The following SLA variants were observed in gnomAD, a reference collection of about 807,000 sequenced individuals.
The protein encoded by SLA is src-like-adapter.
A neutral mutation model predicts 30.3 loss-of-function variants in SLA; 16 were observed. The observed-to-expected ratio is 0.53, with a 90% CI of 0.36 to 0.80. The LOEUF (loss-of-function observed/expected upper bound fraction) is 0.80, where lower values mean the gene tolerates loss of function less well. Ranked by LOEUF, SLA falls within the 30% of genes least tolerant of loss-of-function variation. The probability of loss-of-function intolerance (pLI) is 0.01; values close to 1 mark genes in which losing one functional copy is unlikely to be tolerated. For missense variants in SLA, 310 were observed against 345.2 expected (o/e 0.90, Z 0.81); for synonymous variants, 143 against 137.8 (o/e 1.04, Z -0.26).
chr8:133,065,193 T>C (rs568969982), intron 2 of SLA, among the ~76,000 whole-genome samples: 12 of 152,182 alleles, frequency 7.9e-5, no homozygotes, highest in Non-Finnish European at 1.5e-4. Flanking sequence ...CATCCCACAA[T>C]TGGTCAGCAA....
chr8:133,101,223 C>A (rs1360470927), intron 1 of SLA, among the ~76,000 whole-genome samples: 2 of 152,202 alleles, frequency 1.3e-5, no homozygotes, highest in South Asian at 2.1e-4. Flanking sequence ...CCACACAGAA[C>A]TGCAAGAGGG....
intron 3 of SLA, among the ~76,000 whole-genome samples, chr8:133,055,918 C>T (rs10107766): frequency 0.26 from 39,929 of 151,698 alleles, 5,384 homozygotes; most frequent in Non-Finnish European, 0.27. Context: ...GTGGTGGTAC[C>T]GAGGTTACCC....
At chr8:133,096,643 G>T (rs1220532324) in intron 1 of SLA, among the ~76,000 whole-genome samples, 2 of 152,206 alleles carry the variant, frequency 1.3e-5, no homozygotes, top group Non-Finnish European at 2.9e-5. Context: ...GCTCAGGGCT[G>T]CAAGTTAGAA....
chr8:133,049,924 A>G lies in SLA; in HGVS notation c.226T>C (p.Cys76Arg), dbSNP rs536012943. The change falls in exon 5 of 9, where the codon TGT becomes CGT. Residue 76 changes from cysteine (C) to arginine (R), a missense_variant. Transcript: ENST00000338087. The stretch of plus-strand genomic sequence containing the variant: ...CACCCATGGTAAACTCTGGCCACAC[A>G]TATTCCAGGGATGTAACTCTCTCGA... Reference protein sequence around the residue: ...TGRESYIPGICVARVYHGWLF... With the variant: ...TGRESYIPGIRVARVYHGWLF... 1 of 1,612,746 alleles carries G rather than the reference A, an allele frequency of 6.2e-7. No homozygotes were observed. The highest frequency in any genetic ancestry group is 8.5e-7 in the Non-Finnish European group (1 of 1,178,692).
At chr8:133,040,777 A>C (rs1307384272) in intron 7 of SLA, among the ~76,000 whole-genome samples, 4 of 152,202 alleles carry the variant, frequency 2.6e-5, no homozygotes. Flanking sequence ...ATAGCACAAA[A>C]AGTAGAAGAC....
chr8:133,052,165 G>A (rs750732359), intron 3 of SLA, among the ~76,000 whole-genome samples: 26 of 152,214 alleles, frequency 1.7e-4, no homozygotes, highest in Admixed American at 3.3e-4. Context: ...TGCAGCCTCC[G>A]AGTCATAAGC....
In SLA at chr8:133,055,408, G is replaced by A. The variant is rs188255084; in HGVS notation, c.62-4493C>T. 1.2e-3 allele frequency among the ~76,000 whole-genome samples: 173 copies of A among 144,664 alleles called. 2 individuals are homozygous for A. The highest frequency in any genetic ancestry group is 4.2e-3 in the African/African-American group (167 of 39,658). The allele number at this position is 144,664 out of a possible 152,430, so 94.9% of individuals were successfully genotyped here. On this transcript the variant is annotated intron_variant, in intron 3 of 8. Transcript: ENST00000338087. ...ACACACACACACACACACACACACA[G>A]GATTATACATGCAACTAACCAATCA...
chr8:133,041,628 G>A (rs903391461), intron 7 of SLA, among the ~76,000 whole-genome samples: 1 of 152,158 alleles, frequency 6.6e-6, no homozygotes, highest in Admixed American at 6.5e-5. Flanking sequence ...GGGACACTCC[G>A]TGAGTGTCCT....
intron 1 of SLA, among the ~76,000 whole-genome samples, chr8:133,097,058 G>T (rs1848530078): frequency 6.6e-6 from 1 of 152,222 alleles, no homozygotes; most frequent in Non-Finnish European, 1.5e-5. Context: ...AAGCCTTGTA[G>T]GTGGTCAAGC....
At chr8:133,056,744 C>T (rs973224135) in intron 3 of SLA, among the ~76,000 whole-genome samples, 1 of 152,258 alleles carries the variant, frequency 6.6e-6, no homozygotes, top group Non-Finnish European at 1.5e-5. Context: ...GAGCACCAAG[C>T]GGCTCTAATC....
intron 3 of SLA, among the ~76,000 whole-genome samples, chr8:133,051,793 A>G (rs1840462401): frequency 6.6e-6 from 1 of 152,230 alleles, no homozygotes; most frequent in Non-Finnish European, 1.5e-5. Context: ...GGAAATAACA[A>G]GATGTCTTCT....
Position 133,083,869 on chromosome 8 carries a change from G to A in SLA, c.-318-8739C>T, listed in dbSNP as rs2739170. Reference sequence around the variant, plus strand: ...AGTGAAGCCACCTCCTCCTCAGATGGTCCCTCTGCACCCAGTGGTTCCCAG... The same window carrying A: ...AGTGAAGCCACCTCCTCCTCAGATGATCCCTCTGCACCCAGTGGTTCCCAG... On this transcript the variant is annotated intron_variant, in intron 1 of 8. Transcript: ENST00000338087. Among the ~76,000 whole-genome samples the A allele has an allele frequency of 8.0e-3, 1,221 of 152,126 alleles. 17 individuals carry two copies. The highest frequency in any genetic ancestry group is 0.043 in the South Asian group (208 of 4,818).
At chr8:133,075,956 G>T (rs1463694874) in intron 1 of SLA, 2 of 152,128 alleles carry the variant, frequency 1.3e-5, no homozygotes, top group Non-Finnish European at 2.9e-5. Flanking sequence ...TAAAATGTAT[G>T]TTGTATATGT....
chr8:133,050,187 A>C (rs1386015593), intron 4 of SLA, 199 bp from the exon 5 acceptor site: 1 of 576,224 alleles, frequency 1.7e-6, no homozygotes, highest in Non-Finnish European at 3.1e-6. Context: ...ATAGCCCTCC[A>C]TTGCAAGCCA....
At chr8:133,064,359 A>G (rs1340269159) in intron 2 of SLA, among the ~76,000 whole-genome samples, 2 of 152,276 alleles carry the variant, frequency 1.3e-5, no homozygotes, top group East Asian at 3.8e-4. Flanking sequence ...CTACAGGATC[A>G]AGGGAAGACA....
chr8:133,071,018 T>C (rs74945888), intron 2 of SLA, among the ~76,000 whole-genome samples: 5,551 of 152,334 alleles, frequency 0.036, 156 homozygotes, highest in Non-Finnish European at 0.059. Flanking sequence ...CCCCTGAGAT[T>C]GTGGCCAAGT....
At chr8:133,041,337 A>C (rs529695114) in intron 7 of SLA, among the ~76,000 whole-genome samples, 9 of 152,220 alleles carry the variant, frequency 5.9e-5, no homozygotes, top group Non-Finnish European at 1.3e-4. Flanking sequence ...GTAGCAGAAG[A>C]AGCACACTCA....
intron 1 of SLA, chr8:133,094,986 G>A: frequency 1.2e-6 from 2 of 1,611,270 alleles, no homozygotes; most frequent in Non-Finnish European, 8.5e-7. Flanking sequence ...AGGACTCCAG[G>A]TGAGCAGGGG....
intron 1 of SLA, among the ~76,000 whole-genome samples, chr8:133,075,776 A>C (rs923251404): frequency 6.6e-6 from 1 of 152,140 alleles, no homozygotes; most frequent in East Asian, 1.9e-4. Context: ...ATACATCTAC[A>C]TCTATATATC....
Sources: gnomAD v4.1 joint callset for allele counts (sites outside exome capture counted in the v4.1 genomes callset) on GRCh38, gnomAD v4.1.1 for gene constraint, MANE v1.5 for transcripts, NCBI Gene and HGNC (gene_info 2026-07-23, HGNC 2026-07-21) for gene names.